The following TDRP variants were observed in gnomAD, a reference collection of about 807,000 sequenced individuals.
The protein encoded by TDRP is testis development related protein.
Under a neutral mutation model 10.5 loss-of-function variants are expected in TDRP, and 12 were observed. The observed-to-expected ratio is 1.15, with a 90% confidence interval of 0.73 to 1.86. TDRP has a LOEUF of 1.86. Among genes scored for constraint, TDRP ranks in the 40% most tolerant of loss-of-function variants. TDRP has a pLI of 0.00. For missense variants in TDRP, 353 were observed against 229.2 expected (o/e 1.54, Z -3.49); for synonymous variants, 139 against 95.4 (o/e 1.46, Z -2.67).
intron 1 of TDRP, among the ~76,000 whole-genome samples, chr8:537,524 G>A (rs1382943744): frequency 6.6e-6 from 1 of 152,196 alleles, no homozygotes; most frequent in Admixed American, 6.5e-5. Context: ...GGATATGGAT[G>A]ACTTCATTTA....
chr8:527,383 G>A (rs531713353), intron 1 of TDRP, among the ~76,000 whole-genome samples: 66 of 151,860 alleles, frequency 4.3e-4, no homozygotes, highest in Admixed American at 7.9e-4. Flanking sequence ...TCATACCAAT[G>A]ACATTCTTCA....
At chr8:507,544 G>A (rs952906588) in intron 1 of TDRP, among the ~76,000 whole-genome samples, 2 of 152,078 alleles carry the variant, frequency 1.3e-5, no homozygotes, top group African/African-American at 2.4e-5. Context: ...ATGCGGTCAC[G>A]GACAGAGGAA....
chr8:535,573 C>T (rs992368259), intron 1 of TDRP, among the ~76,000 whole-genome samples: 1 of 152,090 alleles, frequency 6.6e-6, no homozygotes, highest in African/African-American at 2.4e-5. Context: ...CTTTTAACTC[C>T]TAAGACAAGG....
At chr8:515,460 T>C (rs898200183) in intron 1 of TDRP, among the ~76,000 whole-genome samples, 6 of 152,222 alleles carry the variant, frequency 3.9e-5, no homozygotes, top group African/African-American at 7.2e-5. Flanking sequence ...ATTTGCATTA[T>C]ACCAGTTGAG....
intron 1 of TDRP, among the ~76,000 whole-genome samples, chr8:540,832 T>C (rs1301294471): frequency 6.9e-6 from 1 of 145,184 alleles, no homozygotes; most frequent in African/African-American, 2.5e-5. Flanking sequence ...AAAAAAGGTG[T>C]GTAACCTGAT....
intron 1 of TDRP, among the ~76,000 whole-genome samples, chr8:505,452 G>T (rs1244020280): frequency 5.9e-5 from 9 of 152,166 alleles, no homozygotes; most frequent in Non-Finnish European, 1.2e-4. Context: ...ACTAGAACAA[G>T]CAATCCCAAT....
At chr8:512,353 A>C (rs1801643003) in intron 1 of TDRP, among the ~76,000 whole-genome samples, 1 of 152,178 alleles carries the variant, frequency 6.6e-6, no homozygotes, top group African/African-American at 2.4e-5. Flanking sequence ...GAATCACTTG[A>C]ACCCGGGAGG....
chr8:514,251 T>C (rs1223001122), intron 1 of TDRP, among the ~76,000 whole-genome samples: 1 of 152,254 alleles, frequency 6.6e-6, no homozygotes. Flanking sequence ...TCAGTGGCAT[T>C]AATCAATGAC....
At chr8:525,563 C>A (rs1802013618) in intron 1 of TDRP, among the ~76,000 whole-genome samples, 1 of 152,122 alleles carries the variant, frequency 6.6e-6, no homozygotes, top group African/African-American at 2.4e-5. Context: ...TGAAGTGGAA[C>A]TGTAGAGTTT....
upstream of TDRP, chr8:545,694 T>G: frequency 6.6e-6 from 1 of 151,104 alleles, no homozygotes; most frequent in Non-Finnish European, 1.5e-5. Context: ...GGTCGCGGGA[T>G]AGTGGGGGCG....
At chr8:538,381 A>G (rs994534208) in intron 1 of TDRP, among the ~76,000 whole-genome samples, 1 of 152,188 alleles carries the variant, frequency 6.6e-6, no homozygotes, top group Non-Finnish European at 1.5e-5. Context: ...GGTCAGATAG[A>G]GTCTGTTGGC....
intron 1 of TDRP, among the ~76,000 whole-genome samples, chr8:536,317 T>C (rs1200269802): frequency 6.6e-6 from 1 of 152,220 alleles, no homozygotes; most frequent in African/African-American, 2.4e-5. Context: ...TGGGAGAAGA[T>C]TCTAGAGCTG....
At chr8:517,937 G>C (rs1801800061) in intron 1 of TDRP, among the ~76,000 whole-genome samples, 1 of 152,170 alleles carries the variant, frequency 6.6e-6, no homozygotes, top group Non-Finnish European at 1.5e-5. Context: ...AAAGATCCGT[G>C]GTTGCAAAGG....
chr8:505,600 C>G (rs1215908674), intron 1 of TDRP, among the ~76,000 whole-genome samples: 1 of 152,146 alleles, frequency 6.6e-6, no homozygotes, highest in Non-Finnish European at 1.5e-5. Flanking sequence ...AGCCATTTCC[C>G]ATGAAGGCCA....
rs546483413 is a variant in TDRP at position 496,609 on chromosome 8, G to A, written c.109-2012C>T. Among the ~76,000 whole-genome samples, 6 of 152,256 alleles carry A rather than the reference G, an allele frequency of 3.9e-5. No individual in the cohort carries two copies. The East Asian group carries it at 1.2e-3, about 29-fold the overall frequency. On this transcript the variant is annotated intron_variant, in intron 1 of 2. Transcript: ENST00000324079. Reference sequence around the variant, plus strand: ...CTGTGTCCCAACACCACAAGCCTGTGCCTCACCCCTCCATGGACTGCCCAC... The same window carrying A: ...CTGTGTCCCAACACCACAAGCCTGTACCTCACCCCTCCATGGACTGCCCAC...
rs758481608 is a variant in TDRP, at chr8:491,238, G to A, written c.*1161C>T. The A allele has an allele frequency of 6.0e-6, 1 of 166,844 alleles. No individual in the cohort carries two copies. The highest frequency in any genetic ancestry group is 2.4e-5 in the African/African-American group (1 of 42,230). 10.3% of individuals were successfully genotyped at this position (166,844 alleles called of 1,614,324 possible). On this transcript the variant is annotated 3_prime_UTR_variant, in exon 3 of 3. Coordinates refer to ENST00000324079, the MANE Select transcript of TDRP (RefSeq NM_001384899.1). ...GGGTTTTTGTCTTGTTTTTACGTGA[G>A]GGGAATGCACAGTGTAACTGGAGGT...
Position 494,476 on chromosome 8 carries a change from T to C in TDRP, c.212+18A>G, listed in dbSNP as rs1272606093. The C allele has an allele frequency of 1.9e-6, 3 of 1,607,976 alleles. No individual in the cohort carries two copies. In the East Asian group the frequency reaches 6.7e-5, roughly 36 times the overall value. On this transcript the variant is annotated intron_variant, in intron 2 of 2. Transcript: ENST00000324079. ...CCCTCTCCTGAAATGATCATTTTCT[T>C]ACACAGTTATGACTTACCCTTTGGA... is the stretch of plus-strand genomic sequence containing the variant.
chr8:530,498 G>A (rs1049957929), intron 1 of TDRP, among the ~76,000 whole-genome samples: 2 of 152,132 alleles, frequency 1.3e-5, no homozygotes, highest in African/African-American at 4.8e-5. Flanking sequence ...GCTTGGTACA[G>A]GAGAAGAACT....
rs1563112850 is a variant in TDRP, at chr8:490,426, C to A, written c.*1973G>T. ...ATTGACGTGAGTTGCAGGCACTTAG[C>A]GTTCCAACAGAGGCACGGCAACTGC... On this transcript the variant is annotated 3_prime_UTR_variant, in exon 3 of 3. Coordinates refer to ENST00000324079, the MANE Select transcript of TDRP (RefSeq NM_001384899.1). 6.6e-6 allele frequency: 1 copy of A among 152,184 alleles called. No individual in the cohort carries two copies. Among genetic ancestry groups the A allele is most frequent in the Non-Finnish European group, 1.5e-5 (1 of 68,038 alleles). 9.4% of individuals were successfully genotyped at this position (152,184 alleles called of 1,614,324 possible). A position where few individuals can be genotyped will look rare whatever the true frequency, so the allele number is the denominator to read the frequency against.
Sources: allele counts gnomAD v4.1 joint callset (sites outside exome capture counted in the v4.1 genomes callset), GRCh38; gene constraint gnomAD v4.1.1; transcripts MANE v1.5; gene names NCBI Gene and HGNC (gene_info 2026-07-23, HGNC 2026-07-21).